ELMOD1: variants seen among roughly 807,000 people sequenced by gnomAD.
ELMOD1 encodes the protein ELMO domain containing 1.
ELMOD1 carries 21 observed loss-of-function variants against 46.7 expected under a neutral mutation model. The ratio of observed to expected loss-of-function variants is 0.45; its 90% CI spans 0.32 to 0.65. The LOEUF (loss-of-function observed/expected upper bound fraction) is 0.65, where lower values mean the gene tolerates loss of function less well. Ranked by LOEUF, ELMOD1 falls within the 30% of genes least tolerant of loss-of-function variation. The pLI is 0.04. For missense variants in ELMOD1, 348 were observed against 407.8 expected, an observed-to-expected ratio of 0.85 and a Z score of 1.26; for synonymous variants, 122 against 138.2, an observed-to-expected ratio of 0.88 and a Z score of 0.82.
In ELMOD1 at chr11:107,630,361, C is replaced by T. The variant is rs187731931; in HGVS notation, c.18-56C>T. 4.4e-5 allele frequency: 65 copies of T among 1,489,938 alleles called. No homozygotes were observed. In the East Asian group the frequency reaches 1.5e-3, roughly 34 times the overall value. The allele number at this position is 1,489,938 out of a possible 1,614,324, so 92.3% of individuals were successfully genotyped here. On this transcript the variant is annotated intron_variant, in intron 2 of 11. Coordinates refer to ENST00000265840, the MANE Select transcript of ELMOD1 (RefSeq NM_018712.4). ...CTTCTTTTCTTGCTGGTGGTGGCTGCTTTCTCTTCTCTTCCAGAGTTCTAT... is the reference window on the plus strand; with the variant it reads ...CTTCTTTTCTTGCTGGTGGTGGCTGTTTTCTCTTCTCTTCCAGAGTTCTAT...
At chr11:107,660,915 C>T (rs1306787488) in intron 11 of ELMOD1, among the ~76,000 whole-genome samples, 1 of 152,216 alleles carries the variant, frequency 6.6e-6, no homozygotes, top group African/African-American at 2.4e-5. Flanking sequence ...CTGCCTTTTT[C>T]TTCATCTGCA....
At chr11:107,610,245 C>G (rs1865752589) in intron 1 of ELMOD1, among the ~76,000 whole-genome samples, 1 of 152,130 alleles carries the variant, frequency 6.6e-6, no homozygotes, top group Non-Finnish European at 1.5e-5. Flanking sequence ...AGGTTCAGCA[C>G]AGAGAATGAT....
chr11:107,651,040 T>C, intron 9 of ELMOD1, 132 bp downstream of exon 9: 2 of 481,740 alleles, frequency 4.2e-6, no homozygotes, highest in Middle Eastern at 1.3e-3. Flanking sequence ...TAATCTAATA[T>C]AGTTAATTAT....
intron 1 of ELMOD1, among the ~76,000 whole-genome samples, chr11:107,595,240 A>G (rs892291684): frequency 6.6e-5 from 10 of 151,076 alleles, no homozygotes; most frequent in Non-Finnish European, 1.2e-4. Context: ...TCAATTTTAT[A>G]ATAAGGTCTT....
chr11:107,659,669 G>T (rs1298272656), intron 11 of ELMOD1, among the ~76,000 whole-genome samples: 1 of 149,478 alleles, frequency 6.7e-6, no homozygotes, highest in Admixed American at 6.7e-5. Context: ...GTGGGTGGAT[G>T]GATGGATGGA....
Position 107,650,326 on chromosome 11 carries a change from C to G in ELMOD1, c.555-9C>G. ...ATAGAGTTACGGTTTTCTTTCCCTCCCGCTGCAGGTATTTCGCGGAAAGGG... is the reference window on the plus strand; with the variant it reads ...ATAGAGTTACGGTTTTCTTTCCCTCGCGCTGCAGGTATTTCGCGGAAAGGG... On this transcript the variant is annotated splice_polypyrimidine_tract_variant and intron_variant, in intron 7 of 11. Transcript: ENST00000265840. 1 of 1,566,338 alleles carries G rather than the reference C, an allele frequency of 6.4e-7. No homozygotes were observed.
chr11:107,623,472 A>C (rs1247942882), intron 2 of ELMOD1: 1 of 152,178 alleles, frequency 6.6e-6, no homozygotes, highest in African/African-American at 2.4e-5. Flanking sequence ...ATATACCCGA[A>C]AGCCACGGGC....
At chr11:107,655,248 G>A (rs1866606518) in intron 10 of ELMOD1, among the ~76,000 whole-genome samples, 1 of 152,104 alleles carries the variant, frequency 6.6e-6, no homozygotes. Flanking sequence ...ATCAGGTGTA[G>A]TATATTATAT....
At chr11:107,594,314 G>T (rs1299501211) in intron 1 of ELMOD1, among the ~76,000 whole-genome samples, 1 of 152,130 alleles carries the variant, frequency 6.6e-6, no homozygotes, top group Non-Finnish European at 1.5e-5. Flanking sequence ...TAGTAGAGTG[G>T]TGCTGGAAGT....
At chr11:107,620,909 A>G (rs1205307949) in intron 2 of ELMOD1, among the ~76,000 whole-genome samples, 1 of 152,214 alleles carries the variant, frequency 6.6e-6, no homozygotes, top group South Asian at 2.1e-4. Context: ...ATGGGAAAAC[A>G]TGGATAACAA....
At chr11:107,596,025 C>T (rs1379981963) in intron 1 of ELMOD1, among the ~76,000 whole-genome samples, 1 of 151,942 alleles carries the variant, frequency 6.6e-6, no homozygotes, top group Non-Finnish European at 1.5e-5. Context: ...CTTGTTAAGC[C>T]TTTTTAAAAA....
intron 2 of ELMOD1, among the ~76,000 whole-genome samples, chr11:107,619,295 A>T (rs1012047394): frequency 6.6e-6 from 1 of 152,234 alleles, no homozygotes; most frequent in African/African-American, 2.4e-5. Context: ...TGTACAGAAT[A>T]CTGTTTATCT....
chr11:107,657,759 G>A (rs527296), intron 11 of ELMOD1, among the ~76,000 whole-genome samples: 14,666 of 152,172 alleles, frequency 0.096, 1,564 homozygotes, highest in East Asian at 0.3. Flanking sequence ...AATAAATGGG[G>A]TCTAGAAAAT....
chr11:107,591,903 C>A, intron 1 of ELMOD1: 1 of 497,074 alleles, frequency 2.0e-6, no homozygotes, highest in Non-Finnish European at 4.2e-6. Flanking sequence ...CTCCGCGCAG[C>A]GAGCTGGGAG....
rs627021 is a variant in ELMOD1, at chr11:107,665,667, A to G, written c.*470A>G. ...TTCTGATAAAGTATAAGACTTTAAA[A>G]TAATACAAAACAGGGCCGGGCGCAG... On this transcript the variant is annotated 3_prime_UTR_variant, in exon 12 of 12. Transcript: ENST00000265840. 0.099 allele frequency: 15,194 copies of G among 153,866 alleles called. 1,733 individuals carry two copies. The highest frequency in any genetic ancestry group is 0.3 in the East Asian group (1,565 of 5,210). 9.5% of individuals were successfully genotyped at this position (153,866 alleles called of 1,614,324 possible).
intron 11 of ELMOD1, among the ~76,000 whole-genome samples, chr11:107,662,620 A>G (rs1014695039): frequency 6.9e-6 from 1 of 144,392 alleles, no homozygotes; most frequent in African/African-American, 2.7e-5. Context: ...CAAAAAAAAA[A>G]CAACAAAAAA....
intron 7 of ELMOD1, 36 bp downstream of exon 7, chr11:107,647,637 A>G: frequency 6.2e-7 from 1 of 1,600,280 alleles, no homozygotes; most frequent in South Asian, 1.1e-5. Context: ...TGTTCGAGTG[A>G]TGTTTTGGTC....
At chr11:107,604,686 C>A (rs183200065) in intron 1 of ELMOD1, among the ~76,000 whole-genome samples, 2 of 152,182 alleles carry the variant, frequency 1.3e-5, no homozygotes, top group Non-Finnish European at 2.9e-5. Context: ...AAATAATATT[C>A]ACTCAGCAAA....
At position 107,650,901 on chromosome 11, in the gene ELMOD1, G is replaced by T. The variant is rs1242057236; in HGVS notation, c.640G>T (p.Glu214Ter). ...TACATGAAGGGATATCACTAAAGAAGAAATAAGGTATTTTTTCTTTGTTTT... is the reference window on the plus strand; with the variant it reads ...TACATGAAGGGATATCACTAAAGAATAAATAAGGTATTTTTTCTTTGTTTT... ...HPKCRDITKE[E>*]ISKFSKAEWE... Residue 214 changes from glutamate (E) to a stop codon, truncating the protein, a stop_gained, in exon 9 of 12, where the codon GAA becomes TAA. Transcript: ENST00000265840. LOFTEE classifies it high-confidence loss of function. 1 of 1,116,100 alleles carries T rather than the reference G, an allele frequency of 9.0e-7. No individual in the cohort carries two copies. The highest frequency in any genetic ancestry group is 1.2e-6 in the Non-Finnish European group (1 of 821,806). The allele number at this position is 1,116,100 out of a possible 1,614,324, so 69.1% of individuals were successfully genotyped here.
Sources: allele counts gnomAD v4.1 joint callset (sites outside exome capture counted in the v4.1 genomes callset), GRCh38; gene constraint gnomAD v4.1.1; transcripts MANE v1.5; gene names NCBI Gene and HGNC (gene_info 2026-07-23, HGNC 2026-07-21).